The following SLC35F4 variants were observed in gnomAD, a reference collection of about 807,000 sequenced individuals.
SLC35F4 encodes solute carrier family 35 member F4.
In SLC35F4, 24 loss-of-function variants were observed where a neutral mutation model predicts 44.2. The observed-to-expected ratio is 0.54, with a 90% CI of 0.39 to 0.76. The LOEUF (loss-of-function observed/expected upper bound fraction) is 0.76. Ranked by LOEUF, SLC35F4 falls within the 30% of genes least tolerant of loss-of-function variation. The pLI is 0.00. For synonymous variants in SLC35F4, 238 were observed against 223.6 expected (o/e 1.06, Z -0.57); for missense variants, 562 against 586.1 (o/e 0.96, Z 0.42).
chr14:57,914,983 T>C (rs1335841160), intron 1 of SLC35F4, among the ~76,000 whole-genome samples: 1 of 152,172 alleles, frequency 6.6e-6, no homozygotes, highest in African/African-American at 2.4e-5. Context: ...AGGTGGTCTG[T>C]AGCATCCTTT....
At chr14:57,963,266 C>A (rs1330972078) in intron 1 of SLC35F4, among the ~76,000 whole-genome samples, 1 of 152,308 alleles carries the variant, frequency 6.6e-6, no homozygotes, top group Admixed American at 6.5e-5. Flanking sequence ...TCCAGCAGGT[C>A]AGGTGCTTGC....
At chr14:57,587,843 TA>T (rs1413836284) in intron 3 of SLC35F4, among the ~76,000 whole-genome samples, 1 of 54,524 alleles carries the variant, frequency 1.8e-5, no homozygotes, top group African/African-American at 7.4e-5. Flanking sequence ...GCCAAATGAA[TA>T]AAGAATAATT....
At chr14:57,637,759 C>T (rs1270623129) in intron 1 of SLC35F4, among the ~76,000 whole-genome samples, 1 of 152,056 alleles carries the variant, frequency 6.6e-6, no homozygotes, top group African/African-American at 2.4e-5. Context: ...CATGAAGCTA[C>T]CTGATTTCAT....
intron 1 of SLC35F4, among the ~76,000 whole-genome samples, chr14:57,725,256 TG>T (rs1487362044): frequency 1.3e-5 from 2 of 152,136 alleles, no homozygotes; most frequent in Non-Finnish European, 1.5e-5. Context: ...CTCAGCAACA[TG>T]GACTTCCACT....
intron 1 of SLC35F4, among the ~76,000 whole-genome samples, chr14:57,797,936 T>C (rs1309462419): frequency 6.6e-6 from 1 of 151,942 alleles, no homozygotes; most frequent in Non-Finnish European, 1.5e-5. Flanking sequence ...ACATAAAATG[T>C]GCTTGTGCAT....
intron 1 of SLC35F4, among the ~76,000 whole-genome samples, chr14:57,842,407 C>T (rs568361716): frequency 4.0e-4 from 61 of 152,280 alleles, no homozygotes; most frequent in African/African-American, 1.3e-3. Context: ...CCCCAACCTT[C>T]TCCATCCTAC....
chr14:57,913,448 G>A lies in SLC35F4; in HGVS notation n.282+68465C>T, dbSNP rs145506498. Among the ~76,000 whole-genome samples, 95 of 151,100 alleles carry A rather than the reference G, an allele frequency of 6.3e-4. No individual in the cohort carries two copies. In the East Asian group the frequency reaches 7.2e-3, roughly 11 times the overall value. On this transcript the variant is annotated intron_variant and non_coding_transcript_variant, in intron 1 of 1. Coordinates refer to the SLC35F4 transcript ENST00000556568. Reference sequence around the variant, plus strand: ...TAGCACACCAATTATTTTTTTCAACGTTTTTTAGTGGTTGTCATAGAGTTT... The same window carrying A: ...TAGCACACCAATTATTTTTTTCAACATTTTTTAGTGGTTGTCATAGAGTTT...
At chr14:57,789,456 A>C (rs2077855440) in intron 1 of SLC35F4, among the ~76,000 whole-genome samples, 1 of 152,222 alleles carries the variant, frequency 6.6e-6, no homozygotes, top group African/African-American at 2.4e-5. Context: ...GAAGAAGTCC[A>C]ATCCCTCAAT....
chr14:57,882,054 G>A (rs569966282), intron 1 of SLC35F4, among the ~76,000 whole-genome samples: 36 of 152,212 alleles, frequency 2.4e-4, no homozygotes, highest in African/African-American at 8.2e-4. Flanking sequence ...CCAGACCTGG[G>A]CTAAGTAGTC....
chr14:57,980,507 G>A (rs1209445677), intron 1 of SLC35F4, among the ~76,000 whole-genome samples: 1 of 152,116 alleles, frequency 6.6e-6, no homozygotes, highest in East Asian at 1.9e-4. Context: ...TTGAACTCCA[G>A]CCCCAGCAAG....
intron 1 of SLC35F4, among the ~76,000 whole-genome samples, chr14:57,729,922 CA>C (rs1433297509): frequency 6.6e-6 from 1 of 152,184 alleles, no homozygotes; most frequent in Admixed American, 6.5e-5. Context: ...TAGAGCTGGT[CA>C]AAATGTTCCC....
rs2139811570 is a variant in SLC35F4 at position 57,581,250 on chromosome 14, T to C, written c.771A>G (p.Ser257=). The change falls in exon 4 of 8, where the codon TCA becomes TCG. Residue 257 remains serine (S), a synonymous_variant. Transcript: ENST00000556826. ...TGAACCTGTCTTTCAGCACAATCCATGACAGCAAGAAGACAAAGGCTTTGT... is the reference window on the plus strand; with the variant it reads ...TGAACCTGTCTTTCAGCACAATCCACGACAGCAAGAAGACAAAGGCTTTGT... ...CCNKAFVFLL[S]WIVLKDRFMG... 1.9e-6 allele frequency: 3 copies of C among 1,605,602 alleles called. No homozygotes were observed. Among genetic ancestry groups the C allele is most frequent in the Non-Finnish European group, 2.6e-6 (3 of 1,176,404 alleles).
chr14:57,587,317 C>T (rs541811555), intron 3 of SLC35F4, among the ~76,000 whole-genome samples: 22 of 152,284 alleles, frequency 1.4e-4, no homozygotes, highest in African/African-American at 2.4e-4. Flanking sequence ...AAAAGACACA[C>T]GCACACGTAT....
At chr14:57,886,679 GGTTCTTT>G (rs923074814) in intron 1 of SLC35F4, among the ~76,000 whole-genome samples, 1 of 152,032 alleles carries the variant, frequency 6.6e-6, no homozygotes, top group African/African-American at 2.4e-5. Flanking sequence ...AGTTCCCATT[GGTTCTTT>G]GTATAGCTAA....
At chr14:57,682,316 T>G (rs2074932624) in intron 1 of SLC35F4, among the ~76,000 whole-genome samples, 1 of 152,048 alleles carries the variant, frequency 6.6e-6, no homozygotes, top group Non-Finnish European at 1.5e-5. Context: ...TATGTAGCCA[T>G]AAAAAAGATG....
chr14:57,798,734 T>C (rs190239207), intron 1 of SLC35F4, among the ~76,000 whole-genome samples: 2 of 152,300 alleles, frequency 1.3e-5, no homozygotes, highest in African/African-American at 4.8e-5. Flanking sequence ...AAATGGTAAA[T>C]GTTGCCATTT....
At chr14:57,720,140 T>C (rs943747187) in intron 1 of SLC35F4, among the ~76,000 whole-genome samples, 1 of 152,230 alleles carries the variant, frequency 6.6e-6, no homozygotes, top group African/African-American at 2.4e-5. Flanking sequence ...ATCAATGATA[T>C]GCAAATATCA....
chr14:57,910,407 G>A (rs1208445670), intron 1 of SLC35F4, among the ~76,000 whole-genome samples: 1 of 151,952 alleles, frequency 6.6e-6, no homozygotes, highest in African/African-American at 2.4e-5. Flanking sequence ...ATCCAATGTT[G>A]TCATCTGGGA....
At chr14:57,646,974 G>A (rs2073554800) in intron 1 of SLC35F4, among the ~76,000 whole-genome samples, 1 of 152,182 alleles carries the variant, frequency 6.6e-6, no homozygotes, top group African/African-American at 2.4e-5. Flanking sequence ...TGATTGCACT[G>A]TGGTCTGAGA....
Sources: allele counts gnomAD v4.1 joint callset (sites outside exome capture counted in the v4.1 genomes callset), GRCh38; gene constraint gnomAD v4.1.1; transcripts MANE v1.5; gene names NCBI Gene and HGNC (gene_info 2026-07-23, HGNC 2026-07-21).